Variants in TRAPPC8 observed in about 807,000 individuals in gnomAD.
The protein encoded by TRAPPC8 is general sporulation gene 1 homolog.
A neutral mutation model predicts 174.3 loss-of-function variants in TRAPPC8; 54 were observed. The ratio of observed to expected loss-of-function variants is 0.31; its 90% confidence interval spans 0.25 to 0.39. The LOEUF (loss-of-function observed/expected upper bound fraction) is 0.39. Ranked by LOEUF, TRAPPC8 falls within the 10% of genes least tolerant of loss-of-function variation. The pLI, the probability that TRAPPC8 is intolerant of heterozygous loss-of-function variation, is 1.00. For missense variants in TRAPPC8, 1,531 were observed against 1,699.1 expected (o/e 0.90, Z 1.74); for synonymous variants, 630 against 579.9 (o/e 1.09, Z -1.24).
intron 5 of TRAPPC8, among the ~76,000 whole-genome samples, chr18:31,910,495 T>C (rs2036858975): frequency 6.6e-6 from 1 of 152,196 alleles, no homozygotes; most frequent in Non-Finnish European, 1.5e-5. Flanking sequence ...ATGAGAATTA[T>C]CCTTCTATAT....
rs75370605 is a variant in TRAPPC8, at chr18:31,934,510, A to G, written c.158-2987T>C. Among the ~76,000 whole-genome samples, 684 of 152,304 alleles carry G rather than the reference A, an allele frequency of 4.5e-3. 4 individuals are homozygous for G. The highest frequency in any genetic ancestry group is 0.016 in the African/African-American group (657 of 41,558). On this transcript the variant is annotated intron_variant, in intron 1 of 28. Transcript: ENST00000283351. ...TTATGCAGCAGAGAAACAAACAAAC[A>G]AACAAAAAAACTATGGTGCATTTCT...
At chr18:31,852,719 A>T (rs957663922) in intron 22 of TRAPPC8, 56 bp from the exon 23 acceptor site, 1 of 1,388,214 alleles carries the variant, frequency 7.2e-7, no homozygotes. Flanking sequence ...CATGATAAAA[A>T]CCAATTCATT....
Position 31,880,116 on chromosome 18 carries a change from TATATA to T in TRAPPC8, c.1729-5417_1729-5413del, listed in dbSNP as rs1265613822. 3.1e-3 allele frequency among the ~76,000 whole-genome samples: 277 copies of T among 88,072 alleles called. 3 individuals carry two copies. Among genetic ancestry groups the T allele is most frequent in the African/African-American group, 0.011 (239 of 21,856 alleles). The allele number at this position is 88,072 out of a possible 152,430, so 57.8% of individuals were successfully genotyped here. A position where few individuals can be genotyped will look rare whatever the true frequency, so the allele number is the denominator to read the frequency against. The stretch of plus-strand genomic sequence containing the variant: ...ATATATATATATATATATATATATA[TATATA>T]TTTTTTTTTTTTTAAGGAAGAAAGA... On this transcript the variant is annotated intron_variant, in intron 12 of 28. Transcript: ENST00000283351.
chr18:31,870,208 G>T, intron 16 of TRAPPC8, 164 bp downstream of exon 16: 1 of 509,866 alleles, frequency 2.0e-6, no homozygotes, highest in Non-Finnish European at 3.3e-6. Flanking sequence ...ATGTTTTTAT[G>T]TATTTTCAAT....
chr18:31,900,891 C>T, intron 10 of TRAPPC8, 34 bp downstream of exon 10: 7 of 1,255,114 alleles, frequency 5.6e-6, no homozygotes, highest in Non-Finnish European at 4.4e-6. Flanking sequence ...TGACCTTTAA[C>T]TGGATACAAT....
At chr18:31,893,630 C>T (rs2036061275) in intron 11 of TRAPPC8, among the ~76,000 whole-genome samples, 1 of 152,056 alleles carries the variant, frequency 6.6e-6, no homozygotes, top group African/African-American at 2.4e-5. Context: ...ATTAATATGT[C>T]TATTCTTATC....
At position 31,838,373 on chromosome 18, in the gene TRAPPC8, C is replaced by T. The variant is rs34779812; in HGVS notation, c.3983+939G>A. ...ACGTGTAAGAAGGTCCCTTCTTTAG[C>T]GCAAAGCAAATCCTGTCATTCTTCA... On this transcript the variant is annotated intron_variant, in intron 27 of 28. Coordinates refer to ENST00000283351, the MANE Select transcript of TRAPPC8 (RefSeq NM_014939.5). Among the ~76,000 whole-genome samples, 1,344 of 152,316 alleles carry T rather than the reference C, an allele frequency of 8.8e-3. 69 individuals are homozygous for T. The highest frequency in any genetic ancestry group is 0.069 in the Admixed American group (1,050 of 15,288).
At chr18:31,893,757 C>A (rs1178128456) in intron 11 of TRAPPC8, among the ~76,000 whole-genome samples, 2 of 152,066 alleles carry the variant, frequency 1.3e-5, no homozygotes, top group Non-Finnish European at 2.9e-5. Flanking sequence ...TAGGCCTCAA[C>A]AGAGTTCAGT....
intron 12 of TRAPPC8, among the ~76,000 whole-genome samples, chr18:31,876,651 G>A (rs1032455555): frequency 5.9e-5 from 9 of 152,114 alleles, no homozygotes; most frequent in African/African-American, 2.2e-4. Context: ...TAGAGTGCAG[G>A]AAAGAAAAAC....
intron 2 of TRAPPC8, among the ~76,000 whole-genome samples, chr18:31,920,869 A>T (rs1486996172): frequency 6.7e-6 from 1 of 149,996 alleles, no homozygotes; most frequent in Non-Finnish European, 1.5e-5. Flanking sequence ...TGAACCAAGG[A>T]GACAGAGGTT....
chr18:31,872,944 A>G (rs1310773210), intron 14 of TRAPPC8, among the ~76,000 whole-genome samples: 2 of 151,384 alleles, frequency 1.3e-5, no homozygotes, highest in African/African-American at 4.9e-5. Flanking sequence ...AAAGAGAAAC[A>G]CCAAAATAGT....
In TRAPPC8 at chr18:31,832,121, C is replaced by T; in HGVS notation, c.4036G>A (p.Val1346Ile). 1 of 1,561,550 alleles carries T rather than the reference C, an allele frequency of 6.4e-7. No homozygotes were observed. Among genetic ancestry groups the T allele is most frequent in the Non-Finnish European group, 8.6e-7 (1 of 1,162,092 alleles). Residue 1346 changes from valine to isoleucine, a missense_variant, in exon 28 of 29, where the codon GTA (valine) becomes ATA (isoleucine). Physicochemically the swap from Val to Ile is conservative, Grantham distance 29. Coordinates refer to ENST00000283351, the MANE Select transcript of TRAPPC8 (RefSeq NM_014939.5). ...LLLSNCSKAD[V>I]DVIVDLRHKT... ...TGCCGAAGATCAACTATGACATCTA[C>T]ATCAGCCTTAGAACAATTGGAAAGT...
rs1156473315 is a variant in TRAPPC8 at position 31,870,911 on chromosome 18, A to G, written c.2257+15T>C. The G allele has an allele frequency of 6.7e-7, 1 of 1,490,640 alleles. No individual in the cohort carries two copies. The highest frequency in any genetic ancestry group is 9.0e-7 in the Non-Finnish European group (1 of 1,110,978). 92.3% of individuals were successfully genotyped at this position (1,490,640 alleles called of 1,614,324 possible). ...AAACAAATAAAAAACAGAAATAAAA[A>G]TTCAAGTATATCACCTTCTACAACT... On this transcript the variant is annotated intron_variant, in intron 15 of 28. Coordinates refer to ENST00000283351, the MANE Select transcript of TRAPPC8 (RefSeq NM_014939.5).
At chr18:31,883,283 TG>T (rs1031425344) in intron 12 of TRAPPC8, 3 of 149,374 alleles carry the variant, frequency 2.0e-5, no homozygotes, top group Non-Finnish European at 3.0e-5. Context: ...AGCAGCAGTA[TG>T]TCTGACAGAA....
chr18:31,931,980 T>A (rs1453969625), intron 1 of TRAPPC8, among the ~76,000 whole-genome samples: 2 of 152,200 alleles, frequency 1.3e-5, no homozygotes, highest in Non-Finnish European at 2.9e-5. Flanking sequence ...CTTAGCCTCT[T>A]TTTCACTCTC....
rs1303546929 is a variant in TRAPPC8 at position 31,870,509 on chromosome 18, A to T, written c.2258-7T>A. The T allele has an allele frequency of 6.3e-7, 1 of 1,597,814 alleles. No individual in the cohort carries two copies. Among genetic ancestry groups the T allele is most frequent in the Non-Finnish European group, 8.5e-7 (1 of 1,175,176 alleles). On this transcript the variant is annotated splice_polypyrimidine_tract_variant and splice_region_variant and intron_variant, in intron 15 of 28. Transcript: ENST00000283351. ...ACTTCCACTGTAATTGGTTCTATTA[A>T]AAAAAAGGCCTAAATTAATAACTTT...
chr18:31,852,663 T>C lies in TRAPPC8; in HGVS notation c.3434A>G (p.Asp1145Gly). ...CTTCTCCCTACTGGCAAGTTTGGTA[T>C]CTAGGAAGAAAAAGGGAAATTTCAA... ...QKSVNLSENK[D>G]TKLASREKGK... The change falls in exon 23 of 29, where the codon GAT becomes GGT. Residue 1145 changes from aspartate to glycine, a missense_variant and splice_region_variant. By Grantham distance (94) the Asp-to-Gly change is moderately conservative. Transcript: ENST00000283351. 3 of 1,612,932 alleles carry C rather than the reference T, an allele frequency of 1.9e-6. No homozygotes were observed. The highest frequency in any genetic ancestry group is 1.1e-5 in the South Asian group (1 of 91,008).
rs1414188374 is a variant in TRAPPC8 at position 31,829,552 on chromosome 18, C to A, written c.*1203G>T. 1.3e-5 allele frequency: 2 copies of A among 152,296 alleles called. No individual in the cohort carries two copies. Among genetic ancestry groups the A allele is most frequent in the Non-Finnish European group, 2.9e-5 (2 of 68,100 alleles). The allele number at this position is 152,296 out of a possible 1,614,324, so 9.4% of individuals were successfully genotyped here. On this transcript the variant is annotated 3_prime_UTR_variant, in exon 29 of 29. Transcript: ENST00000283351. ...TGCAGAGAGGCACACAGACTAGCCA[C>A]CCATCTCTCAAGAAGAGTTGTTCCA...
chr18:31,933,519 CA>C (rs998318982), intron 1 of TRAPPC8, among the ~76,000 whole-genome samples: 5 of 152,224 alleles, frequency 3.3e-5, no homozygotes, highest in Admixed American at 6.6e-5. Context: ...ACAGTAATTG[CA>C]AAGCACTGAG....
Sources: gnomAD v4.1 joint callset for allele counts (sites outside exome capture counted in the v4.1 genomes callset) on GRCh38, gnomAD v4.1.1 for gene constraint, MANE v1.5 for transcripts, NCBI Gene and HGNC (gene_info 2026-07-23, HGNC 2026-07-21) for gene names.